The following HS6ST2 variants were observed in gnomAD, a reference collection of about 807,000 sequenced individuals.
HS6ST2 encodes heparan sulfate 6-O-sulfotransferase 2, also known as heparan-sulfate 6-O-sulfotransferase 2.
Under a neutral mutation model 33.0 loss-of-function variants are expected in HS6ST2, and 17 were observed. That is an observed-to-expected ratio of 0.52 (90% CI 0.35 to 0.77). HS6ST2 has a LOEUF of 0.77. Among genes scored for constraint, HS6ST2 ranks in the 30% least tolerant of loss-of-function variants. The pLI, the probability that HS6ST2 is intolerant of heterozygous loss-of-function variation, is 0.01. For missense variants in HS6ST2, 519 were observed against 551.7 expected (o/e 0.94, Z 0.59); for synonymous variants, 248 against 237.1 (o/e 1.05, Z -0.42).
intron 2 of HS6ST2, among the ~76,000 whole-genome samples, chrX:132,742,023 G>T (rs765897571): frequency 3.6e-5 from 4 of 112,184 alleles, no homozygotes; most frequent in Non-Finnish European, 7.5e-5. Flanking sequence ...ATTCATGGCA[G>T]TAGTAACAGT....
chrX:132,809,292 G>A (rs184733362), intron 2 of HS6ST2, among the ~76,000 whole-genome samples: 1 of 112,219 alleles, frequency 8.9e-6, no homozygotes, highest in East Asian at 2.8e-4. Context: ...CCCGGCCCTG[G>A]CATTCATTTT....
At chrX:132,755,035 A>T (rs907151011) in intron 2 of HS6ST2, among the ~76,000 whole-genome samples, 6 of 111,607 alleles carry the variant, frequency 5.4e-5, no homozygotes, top group Non-Finnish European at 1.1e-4. Flanking sequence ...TTTACAAGGA[A>T]GTCACTATTC....
At chrX:132,679,746 C>A (rs1440132303) in intron 3 of HS6ST2, among the ~76,000 whole-genome samples, 1 of 107,725 alleles carries the variant, frequency 9.3e-6, no homozygotes. Context: ...AGAAGACAAC[C>A]ACGCCTGGGG....
In HS6ST2 at chrX:132,864,695, T is replaced by C. The variant is rs756517386; in HGVS notation, c.947+92113A>G. Among the ~76,000 whole-genome samples the C allele has an allele frequency of 3.6e-5, 4 of 110,745 alleles. No individual in the cohort carries two copies. The South Asian group carries it at 1.6e-3, about 44-fold the overall frequency. On this transcript the variant is annotated intron_variant, in intron 2 of 4. Coordinates refer to ENST00000370833, the MANE Select transcript of HS6ST2 (RefSeq NM_001394073.1). ...TTGTAAAACACTCTTCAGGATATTT[T>C]CCAGGAGAACGTCCCCGACCTAGCA...
intron 4 of HS6ST2, among the ~76,000 whole-genome samples, chrX:132,639,976 T>C (rs773739584): frequency 3.6e-5 from 4 of 112,134 alleles, no homozygotes; most frequent in African/African-American, 1.3e-4. Context: ...AAACTGGTAC[T>C]TTCATGAAAC....
At chrX:132,678,134 G>C (rs1004483304) in intron 3 of HS6ST2, among the ~76,000 whole-genome samples, 1 of 111,855 alleles carries the variant, frequency 8.9e-6, no homozygotes, top group Non-Finnish European at 1.9e-5. Flanking sequence ...CAGGAGGATT[G>C]TTTGCGCTCA....
chrX:132,679,269 G>A (rs1220704246), intron 3 of HS6ST2, among the ~76,000 whole-genome samples: 1 of 112,052 alleles, frequency 8.9e-6, no homozygotes, highest in Non-Finnish European at 1.9e-5. Flanking sequence ...TAGTCACGTA[G>A]GTTCTTTTCT....
intron 2 of HS6ST2, among the ~76,000 whole-genome samples, chrX:132,813,853 G>A (rs1036874079): frequency 9.0e-6 from 1 of 111,606 alleles, no homozygotes; most frequent in Non-Finnish European, 1.9e-5. Context: ...ACTAGAGAAA[G>A]CAAATAAATA....
At position 132,778,566 on chromosome X, in the gene HS6ST2, A is replaced by ATTT. The variant is rs750381549; in HGVS notation, c.948-70075_948-70073dup. 1.9e-3 allele frequency among the ~76,000 whole-genome samples: 190 copies of ATTT among 102,290 alleles called. 1 individual carries two copies. Among genetic ancestry groups the ATTT allele is most frequent in the African/African-American group, 6.5e-3 (181 of 27,901 alleles). The allele number at this position is 102,290 out of a possible 115,157, so 88.8% of individuals were successfully genotyped here. A position where few individuals can be genotyped will look rare whatever the true frequency, so the allele number is the denominator to read the frequency against. ...AGGTGCGTGCCACCACACCCAGCTAATTTTTTTTTTTGTATTTTTAGTAGA... is the reference window on the plus strand; with the variant it reads ...AGGTGCGTGCCACCACACCCAGCTAATTTTTTTTTTTTTTGTATTTTTAGTAGA... On this transcript the variant is annotated intron_variant, in intron 2 of 4. Transcript: ENST00000370833.
chrX:132,942,580 C>A, intron 2 of HS6ST2, among the ~76,000 whole-genome samples: 1 of 111,795 alleles, frequency 8.9e-6, no homozygotes, highest in African/African-American at 3.2e-5. Context: ...ATGATGAGCC[C>A]CCAAAATAAG....
intron 2 of HS6ST2, among the ~76,000 whole-genome samples, chrX:132,771,318 T>C (rs941725157): frequency 1.8e-5 from 2 of 112,163 alleles, no homozygotes; most frequent in Admixed American, 9.5e-5. Context: ...TGTTTAACTT[T>C]GTTTTCTAAT....
At chrX:132,857,356 C>T (rs1022885764) in intron 2 of HS6ST2, among the ~76,000 whole-genome samples, 4 of 109,491 alleles carry the variant, frequency 3.7e-5, no homozygotes, top group East Asian at 2.9e-4. Flanking sequence ...TGGTGGCGGG[C>T]GCCTGTAATC....
intron 3 of HS6ST2, among the ~76,000 whole-genome samples, chrX:132,685,695 A>G (rs1296249662): frequency 2.7e-5 from 3 of 111,552 alleles, no homozygotes; most frequent in Non-Finnish European, 5.6e-5. Flanking sequence ...CCCCAACCAT[A>G]GGACCCAGTC....
intron 4 of HS6ST2, among the ~76,000 whole-genome samples, chrX:132,661,960 G>T (rs185575084): frequency 9.9e-6 from 1 of 100,683 alleles, no homozygotes; most frequent in Non-Finnish European, 2.1e-5. Context: ...ACTCCAGCCT[G>T]GGTTGACAGT....
At chrX:132,647,411 C>A (rs778646626) in intron 4 of HS6ST2, among the ~76,000 whole-genome samples, 11 of 111,667 alleles carry the variant, frequency 9.9e-5, no homozygotes, top group Admixed American at 2.8e-4. Flanking sequence ...GTGGCCAGAT[C>A]AGCTGAAATA....
At chrX:132,808,541 G>A (rs1051689483) in intron 2 of HS6ST2, among the ~76,000 whole-genome samples, 2 of 111,669 alleles carry the variant, frequency 1.8e-5, no homozygotes, top group African/African-American at 6.5e-5. Context: ...GGGAAAGAAG[G>A]CCTTTCAGAA....
At chrX:132,947,010 C>T (rs576034102) in intron 2 of HS6ST2, among the ~76,000 whole-genome samples, 1 of 111,500 alleles carries the variant, frequency 9.0e-6, no homozygotes, top group Admixed American at 9.6e-5. Context: ...AAACTACTAA[C>T]GTTCCTTCAC....
chrX:132,957,720 C>A (rs1169422799), intron 1 of HS6ST2, among the ~76,000 whole-genome samples: 1 of 110,528 alleles, frequency 9.0e-6, no homozygotes, highest in Non-Finnish European at 1.9e-5. Flanking sequence ...GCTCCACTCT[C>A]GGTGGCTCCC....
intron 2 of HS6ST2, among the ~76,000 whole-genome samples, chrX:132,711,589 T>C (rs1164871181): frequency 9.0e-6 from 1 of 111,731 alleles, no homozygotes; most frequent in Non-Finnish European, 1.9e-5. Flanking sequence ...CCCTTGATGT[T>C]ACTTAGAAGT....
Sources: gnomAD v4.1 joint callset for allele counts (sites outside exome capture counted in the v4.1 genomes callset) on GRCh38, gnomAD v4.1.1 for gene constraint, MANE v1.5 for transcripts, NCBI Gene and HGNC (gene_info 2026-07-23, HGNC 2026-07-21) for gene names.